Variants in SLC38A10 observed in about 807,000 individuals in gnomAD.
SLC38A10 encodes the protein Sodium-coupled neutral amino acid transporter 10.
A neutral mutation model predicts 81.0 loss-of-function variants in SLC38A10; 53 were observed. The observed-to-expected ratio is 0.65, with a 90% CI of 0.53 to 0.82. SLC38A10 has a LOEUF of 0.82. SLC38A10 is among the 40% of genes least tolerant of loss of function. The pLI is 0.00. For missense variants in SLC38A10, 1,471 were observed against 1,545.0 expected (o/e 0.95, Z 0.80); for synonymous variants, 665 against 655.3 (o/e 1.01, Z -0.23).
chr17:81,294,118 C>G (rs2063330552), intron 1 of SLC38A10, among the ~76,000 whole-genome samples: 1 of 152,188 alleles, frequency 6.6e-6, no homozygotes, highest in Non-Finnish European at 1.5e-5. Flanking sequence ...GAAACCTTCG[C>G]CTCCCAGGTT....
At chr17:81,255,325 G>A (rs1263503908) in intron 11 of SLC38A10, among the ~76,000 whole-genome samples, 1 of 152,260 alleles carries the variant, frequency 6.6e-6, no homozygotes, top group African/African-American at 2.4e-5. Flanking sequence ...TCTCCACAAC[G>A]GAGCCCATCT....
chr17:81,258,495 G>C (rs527837720), intron 11 of SLC38A10, among the ~76,000 whole-genome samples: 1 of 152,106 alleles, frequency 6.6e-6, no homozygotes, highest in African/African-American at 2.4e-5. Context: ...TGCTTGCACC[G>C]GCCGCAGGCA....
At position 81,265,358 on chromosome 17, in the gene SLC38A10, T is replaced by C. The variant is rs2063060701; in HGVS notation, c.1132-4964A>G. On this transcript the variant is annotated intron_variant, in intron 10 of 15. Coordinates refer to ENST00000374759, the MANE Select transcript of SLC38A10 (RefSeq NM_001037984.3). This position sits in a 1 kb window ranked among gnomAD's most constrained non-coding sequence, Gnocchi z 4.2. ...GAGATCACACCACTGCACCCCAGCC[T>C]GGGCGACAGAGCGAGACTCTGTCTC... The C allele has an allele frequency of 6.6e-6, 1 of 152,254 alleles. No individual in the cohort carries two copies. The highest frequency in any genetic ancestry group is 1.5e-5 in the Non-Finnish European group (1 of 68,080). The allele number at this position is 152,254 out of a possible 1,614,324, so 9.4% of individuals were successfully genotyped here. A position where few individuals can be genotyped will look rare whatever the true frequency, so the allele number is the denominator to read the frequency against.
Position 81,265,869 on chromosome 17 carries a change from G to A in SLC38A10, c.1131+5049C>T, listed in dbSNP as rs368164394. Among the ~76,000 whole-genome samples the A allele has an allele frequency of 2.0e-5, 3 of 152,226 alleles. No individual in the cohort carries two copies. Among genetic ancestry groups the A allele is most frequent in the East Asian group, 3.8e-4 (2 of 5,200 alleles). ...GCCGTAGGAGCGCTGGGGACAGGAC[G>A]CACCAGACCCAAGTCAGAGGGAAAA... On this transcript the variant is annotated intron_variant, in intron 10 of 15. Coordinates refer to ENST00000374759, the MANE Select transcript of SLC38A10 (RefSeq NM_001037984.3). This position sits in a 1 kb window ranked among gnomAD's most constrained non-coding sequence, Gnocchi z 4.2.
intron 3 of SLC38A10, among the ~76,000 whole-genome samples, chr17:81,284,096 G>C (rs539765101): frequency 6.6e-6 from 1 of 151,644 alleles, no homozygotes; most frequent in Non-Finnish European, 1.5e-5. Context: ...AGTGGCTCAC[G>C]CCTGTAATCT....
At chr17:81,246,721 C>T in intron 15 of SLC38A10, 48 bp from the exon 16 acceptor site, 1 of 1,501,922 alleles carries the variant, frequency 6.7e-7, no homozygotes, top group Non-Finnish European at 8.9e-7. Context: ...TGTACACAGG[C>T]TGCCAGTGGA....
chr17:81,246,149 C>A lies in SLC38A10; in HGVS notation c.2767G>T (p.Asp923Tyr). 1 of 1,610,998 alleles carries A rather than the reference C, an allele frequency of 6.2e-7. No individual in the cohort carries two copies. ...ACTTGCTTGGGCTTCATGCGAGGGTCCCCCGTCTCTGCTCCTGGCCCTGCC... is the reference window on the plus strand; with the variant it reads ...ACTTGCTTGGGCTTCATGCGAGGGTACCCCGTCTCTGCTCCTGGCCCTGCC... ...LVAGPGAETG[D>Y]PRMKPKQVSR... The change falls in exon 16 of 16, where the codon GAC (aspartate) becomes TAC (tyrosine). Residue 923 changes from aspartate (D) to tyrosine (Y), a missense_variant. Around this residue, in one of 2 missense-constraint regions of SLC38A10, gnomAD observed 751 missense variants for 717.4 expected, o/e 1.05. Transcript: ENST00000374759.
At chr17:81,249,302 A>G (rs868008813) in intron 14 of SLC38A10, among the ~76,000 whole-genome samples, 453 of 14,554 alleles carry the variant, frequency 0.031, 148 homozygotes, top group African/African-American at 0.17. Flanking sequence ...GAAGGAGGGA[A>G]GAGGAGGAAG....
chr17:81,251,759 C>G (rs2062917137), intron 13 of SLC38A10, 147 bp from the exon 14 acceptor site: 1 of 805,840 alleles, frequency 1.2e-6, no homozygotes, highest in Non-Finnish European at 1.8e-6. Context: ...TATATTCAAC[C>G]TGATGATTAC....
intron 5 of SLC38A10, 139 bp downstream of exon 5, chr17:81,282,050 T>C (rs761532161): frequency 3.1e-4 from 393 of 1,269,362 alleles, no homozygotes; most frequent in Admixed American, 6.5e-4. Context: ...CACTTCCTGG[T>C]ACATCCTGCT....
chr17:81,265,791 C>T lies in SLC38A10; in HGVS notation c.1131+5127G>A, dbSNP rs891376464. 6.6e-6 allele frequency among the ~76,000 whole-genome samples: 1 copy of T among 152,224 alleles called. No homozygotes were observed. Among genetic ancestry groups the T allele is most frequent in the African/African-American group, 2.4e-5 (1 of 41,458 alleles). On this transcript the variant is annotated intron_variant, in intron 10 of 15. Transcript: ENST00000374759. The surrounding 1 kb of genome is among the most constrained non-coding windows in gnomAD (Gnocchi z 4.2). The stretch of plus-strand genomic sequence containing the variant: ...CATCTCCGTACCTAAGGAAACAGGG[C>T]ATGCTGAGCGGATGGCACACGGTGG...
In SLC38A10 at chr17:81,282,344, C is replaced by T. The variant is rs747534268; in HGVS notation, c.358-12G>A. ...AAGGTGCCGCCCACCTGCGGGGAGC[C>T]GGCAGGGGGTCTTGGCCACAGCCCG... On this transcript the variant is annotated splice_polypyrimidine_tract_variant and intron_variant, in intron 4 of 15. Transcript: ENST00000374759. The T allele has an allele frequency of 3.7e-6, 6 of 1,601,058 alleles. No individual in the cohort carries two copies. Among genetic ancestry groups the T allele is most frequent in the Middle Eastern group, 1.7e-4 (1 of 6,040 alleles).
In SLC38A10 at chr17:81,249,965, C is replaced by T. The variant is rs1239276801; in HGVS notation, c.2065+1528G>A. On this transcript the variant is annotated intron_variant, in intron 14 of 15. Transcript: ENST00000374759. Reference sequence around the variant, plus strand: ...AGGTCTGGGGCCTGACACGTGTCCCCATGCAGGGCTGTCCCTGGGGCAGGT... The same window carrying T: ...AGGTCTGGGGCCTGACACGTGTCCCTATGCAGGGCTGTCCCTGGGGCAGGT... The T allele has an allele frequency of 3.4e-5, 36 of 1,061,418 alleles. No homozygotes were observed. In the Admixed American group the frequency reaches 1.1e-3, roughly 33 times the overall value. 65.7% of individuals were successfully genotyped at this position (1,061,418 alleles called of 1,614,324 possible).
rs1056970331 is a variant in SLC38A10, at chr17:81,276,564, G to A, written c.730-413C>T. 6.6e-6 allele frequency among the ~76,000 whole-genome samples: 1 copy of A among 151,920 alleles called. No individual in the cohort carries two copies. The highest frequency in any genetic ancestry group is 2.4e-5 in the African/African-American group (1 of 41,352). On this transcript the variant is annotated intron_variant, in intron 7 of 15. Coordinates refer to ENST00000374759, the MANE Select transcript of SLC38A10 (RefSeq NM_001037984.3). The surrounding 1 kb of genome is among the most constrained non-coding windows in gnomAD (Gnocchi z 4.7). ...GTGCCACCATGCCCAGCTAATTTTT[G>A]TATTTTTAGTAGAGACAGGGTTTCA... is the stretch of plus-strand genomic sequence containing the variant.
rs2063269328 is a variant in SLC38A10 at position 81,286,619 on chromosome 17, T to A, written c.218-1724A>T. 6.6e-6 allele frequency among the ~76,000 whole-genome samples: 1 copy of A among 152,106 alleles called. No individual in the cohort carries two copies. Among genetic ancestry groups the A allele is most frequent in the Non-Finnish European group, 1.5e-5 (1 of 67,986 alleles). On this transcript the variant is annotated intron_variant, in intron 2 of 15. Transcript: ENST00000374759. This position sits in a 1 kb window ranked among gnomAD's most constrained non-coding sequence, Gnocchi z 6.0. Reference sequence around the variant, plus strand: ...CGGGGACCCAGCCCTCCCCCGAGTGTGGACTCCCAGTGCGGGCCCAGCCCC... The same window carrying A: ...CGGGGACCCAGCCCTCCCCCGAGTGAGGACTCCCAGTGCGGGCCCAGCCCC...
At chr17:81,290,778 T>A (rs183013610) in intron 1 of SLC38A10, among the ~76,000 whole-genome samples, 54 of 151,020 alleles carry the variant, frequency 3.6e-4, no homozygotes, top group African/African-American at 1.3e-3. Context: ...GAGGCCGAGG[T>A]GGGCAGATCA....
chr17:81,267,204 T>C (rs2146918556), intron 10 of SLC38A10, among the ~76,000 whole-genome samples: 2 of 152,322 alleles, frequency 1.3e-5, no homozygotes, highest in South Asian at 4.1e-4. Flanking sequence ...CAGTGATGGA[T>C]TATTCAATAA....
chr17:81,251,253 C>T (rs1337994201), intron 14 of SLC38A10: 1 of 1,469,956 alleles, frequency 6.8e-7, no homozygotes, highest in Admixed American at 1.8e-5. Context: ...TAATCACAAG[C>T]CATGTGACGA....
At position 81,284,835 on chromosome 17, in the gene SLC38A10, C is replaced by G; in HGVS notation, c.263+15G>C. 1 of 1,523,512 alleles carries G rather than the reference C, an allele frequency of 6.6e-7. No homozygotes were observed. The highest frequency in any genetic ancestry group is 8.8e-7 in the Non-Finnish European group (1 of 1,130,530). 94.4% of individuals were successfully genotyped at this position (1,523,512 alleles called of 1,614,324 possible). On this transcript the variant is annotated intron_variant, in intron 3 of 15. Transcript: ENST00000374759. ...CGGGGGTGGGGGGCAAGCGCAGCGG[C>G]AGGGCGGGGCTTACCTGGTCTCCAC... is the stretch of plus-strand genomic sequence containing the variant.
Sources: allele counts gnomAD v4.1 joint callset (sites outside exome capture counted in the v4.1 genomes callset), GRCh38; gene constraint gnomAD v4.1.1; regional missense constraint gnomAD v4.1.1; non-coding constraint Gnocchi (gnomAD v3.1); transcripts MANE v1.5; gene names NCBI Gene and HGNC (gene_info 2026-07-23, HGNC 2026-07-21).